The following EIF4G3 variants were observed in gnomAD, a reference collection of about 807,000 sequenced individuals.
The protein encoded by EIF4G3 is eukaryotic translation initiation factor 4 gamma 3.
In EIF4G3, 34 loss-of-function variants were observed where a neutral mutation model predicts 186.4. That is an observed-to-expected ratio of 0.18 (90% CI 0.14 to 0.24). EIF4G3 has a LOEUF of 0.24. EIF4G3 is among the 10% of genes least tolerant of loss of function. The pLI is 1.00. For synonymous variants in EIF4G3, 673 were observed against 679.5 expected, an observed-to-expected ratio of 0.99 and a Z score of 0.15; for missense variants, 1,536 against 1,948.5, an observed-to-expected ratio of 0.79 and a Z score of 3.99.
chr1:20,807,502 T>C lies in EIF4G3; in HGVS notation c.4745-2A>G. 6.3e-7 allele frequency: 1 copy of C among 1,578,024 alleles called. No individual in the cohort carries two copies. The highest frequency in any genetic ancestry group is 8.7e-7 in the Non-Finnish European group (1 of 1,155,546). ...AATCAAAAAACATCCGCAGCAAATC[T>C]GCAAGGAGGTGAAAATAAACTATAA... On this transcript the variant is annotated splice_acceptor_variant, in intron 36 of 36. Transcript: ENST00000602326. LOFTEE classifies it high-confidence loss of function.
At chr1:20,933,354 A>G (rs1400768275) in intron 14 of EIF4G3, among the ~76,000 whole-genome samples, 3 of 152,078 alleles carry the variant, frequency 2.0e-5, no homozygotes, top group African/African-American at 4.8e-5. Flanking sequence ...TCACAAATAC[A>G]TTAGATAAAA....
intron 2 of EIF4G3, among the ~76,000 whole-genome samples, chr1:21,109,283 C>A (rs1309131335): frequency 6.6e-6 from 1 of 152,096 alleles, no homozygotes; most frequent in African/African-American, 2.4e-5. Flanking sequence ...TTTATTTTTC[C>A]ACTATTTTAT....
At chr1:21,020,703 A>G (rs1251424120) in intron 4 of EIF4G3, among the ~76,000 whole-genome samples, 1 of 152,232 alleles carries the variant, frequency 6.6e-6, no homozygotes, top group East Asian at 1.9e-4. Flanking sequence ...AACTATACCA[A>G]CTAAAACATT....
intron 2 of EIF4G3, among the ~76,000 whole-genome samples, chr1:21,117,426 G>A (rs1004398496): frequency 6.6e-6 from 1 of 151,854 alleles, no homozygotes; most frequent in Non-Finnish European, 1.5e-5. Context: ...GCTGCAGTGT[G>A]GCACTCAGCT....
rs35704755 is a variant in EIF4G3, at chr1:20,918,701, C to CTTTT, written c.1664-13734_1664-13731dup. ...ACTTTTAAATATATCCTCCTAGTAT[C>CTTTT]TTTTTTTTTTTTTTTTTTTTTTTTT... On this transcript the variant is annotated intron_variant, in intron 14 of 36. Coordinates refer to ENST00000602326, the MANE Select transcript of EIF4G3 (RefSeq NM_001391906.1). 2.9e-3 allele frequency among the ~76,000 whole-genome samples: 272 copies of CTTTT among 94,878 alleles called. 2 individuals carry two copies. Among genetic ancestry groups the CTTTT allele is most frequent in the African/African-American group, 5.0e-3 (114 of 22,804 alleles). The allele number at this position is 94,878 out of a possible 152,430, so 62.2% of individuals were successfully genotyped here.
At chr1:21,153,340 C>T (rs1022584626) in intron 2 of EIF4G3, among the ~76,000 whole-genome samples, 1 of 152,208 alleles carries the variant, frequency 6.6e-6, no homozygotes, top group African/African-American at 2.4e-5. Flanking sequence ...TAACTATCTA[C>T]TATGACAGCT....
intron 20 of EIF4G3, among the ~76,000 whole-genome samples, chr1:20,868,146 G>C (rs947892880): frequency 2.2e-5 from 3 of 137,392 alleles, no homozygotes; most frequent in African/African-American, 8.2e-5. Context: ...CTGTAAGTGA[G>C]CACTTGTTGT....
intron 10 of EIF4G3, among the ~76,000 whole-genome samples, chr1:20,979,804 G>A (rs1336321464): frequency 1.3e-5 from 2 of 149,934 alleles, no homozygotes; most frequent in African/African-American, 4.9e-5. Flanking sequence ...CAGGCTGAGT[G>A]CAGTGGCGTG....
At chr1:20,863,972 G>C (rs1193640050) in intron 22 of EIF4G3, among the ~76,000 whole-genome samples, 1 of 152,180 alleles carries the variant, frequency 6.6e-6, no homozygotes, top group Admixed American at 6.5e-5. Flanking sequence ...CATAATCCTA[G>C]CTGAATCAGA....
intron 23 of EIF4G3, among the ~76,000 whole-genome samples, chr1:20,861,938 C>A (rs2076444480): frequency 1.3e-5 from 2 of 151,888 alleles, no homozygotes; most frequent in Non-Finnish European, 2.9e-5. Flanking sequence ...TGAGCCACTG[C>A]ACTCCAGCCT....
chr1:21,006,990 A>G (rs887057611), intron 4 of EIF4G3, among the ~76,000 whole-genome samples: 1 of 152,250 alleles, frequency 6.6e-6, no homozygotes, highest in African/African-American at 2.4e-5. Context: ...TCTCGTTTTA[A>G]GATTCTGCCA....
chr1:20,950,202 A>T (rs1558396967), intron 12 of EIF4G3, 91 bp from the exon 13 acceptor site: 1 of 792,406 alleles, frequency 1.3e-6, no homozygotes, highest in Non-Finnish European at 1.9e-6. Flanking sequence ...AAGACAGTAG[A>T]GCACAGGAGA....
intron 19 of EIF4G3, among the ~76,000 whole-genome samples, chr1:20,882,923 T>C (rs989150907): frequency 8.6e-5 from 13 of 150,844 alleles, no homozygotes; most frequent in African/African-American, 2.9e-4. Context: ...ACCTGGTCTC[T>C]ACAAAAAAAT....
In EIF4G3 at chr1:20,829,180, T is replaced by C; in HGVS notation, c.4154A>G (p.Lys1385Arg). ...TTCTCTCATGGAGATTCCACCTTCT[T>C]TTAACATGGGGGTCACCAGTTCAGC... ...YLAELVTPML[K>R]EGGISMRELT... The change falls in exon 31 of 37, where the codon AAA becomes AGA. Residue 1385 changes from lysine (K) to arginine (R), a missense_variant. Physicochemically the swap from Lys to Arg is conservative, Grantham distance 26 (BLOSUM62 2). Coordinates refer to ENST00000602326, the MANE Select transcript of EIF4G3 (RefSeq NM_001391906.1). The C allele has an allele frequency of 6.2e-7, 1 of 1,613,992 alleles. No individual in the cohort carries two copies. Among genetic ancestry groups the C allele is most frequent in the Middle Eastern group, 1.6e-4 (1 of 6,062 alleles).
rs1356118336 is a variant in EIF4G3 at position 21,007,675 on chromosome 1, CATA to C, written c.-66-4870_-66-4868del. On this transcript the variant is annotated intron_variant, in intron 4 of 36. Transcript: ENST00000602326. ...TCAACATACATCATGGAAAGATGTC[CATA>C]ATAATATTAAGTGACAAAAGCAAAT... 5.9e-5 allele frequency among the ~76,000 whole-genome samples: 9 copies of C among 151,500 alleles called. No homozygotes were observed. The East Asian group carries it at 7.7e-4, about 13-fold the overall frequency.
At chr1:21,035,884 C>A (rs954777641) in intron 4 of EIF4G3, among the ~76,000 whole-genome samples, 2 of 152,140 alleles carry the variant, frequency 1.3e-5, no homozygotes, top group Admixed American at 1.3e-4. Context: ...GGGCTGCCCA[C>A]GGACCAACTG....
chr1:21,036,689 G>T (rs545646765), intron 4 of EIF4G3, among the ~76,000 whole-genome samples: 1 of 152,162 alleles, frequency 6.6e-6, no homozygotes, highest in African/African-American at 2.4e-5. Flanking sequence ...AGGCCAGCCT[G>T]GGCAACATGG....
At chr1:21,054,417 T>C (rs1359443718) in intron 3 of EIF4G3, among the ~76,000 whole-genome samples, 1 of 147,994 alleles carries the variant, frequency 6.8e-6, no homozygotes, top group African/African-American at 2.5e-5. Flanking sequence ...ACTATTGTCC[T>C]GTGACCCTGC....
intron 12 of EIF4G3, among the ~76,000 whole-genome samples, chr1:20,968,072 C>G (rs2075084756): frequency 6.6e-6 from 1 of 152,194 alleles, no homozygotes; most frequent in Non-Finnish European, 1.5e-5. Flanking sequence ...GCCACTGCAC[C>G]TGCAATTGGC....
Sources: allele counts gnomAD v4.1 joint callset (sites outside exome capture counted in the v4.1 genomes callset), GRCh38; gene constraint gnomAD v4.1.1; transcripts MANE v1.5; gene names NCBI Gene and HGNC (gene_info 2026-07-23, HGNC 2026-07-21).